HEPH: variants seen among roughly 807,000 people sequenced by gnomAD.
The protein encoded by HEPH is hephaestin.
A neutral mutation model predicts 80.8 loss-of-function variants in HEPH; 69 were observed. The ratio of observed to expected loss-of-function variants is 0.85; its 90% confidence interval spans 0.70 to 1.04. The LOEUF (loss-of-function observed/expected upper bound fraction) is 1.04, where lower values mean the gene tolerates loss of function less well. Ranked by LOEUF, HEPH falls within the 50% of genes least tolerant of loss-of-function variation. HEPH has a pLI of 0.00. For synonymous variants in HEPH, 431 were observed against 322.8 expected, an observed-to-expected ratio of 1.34 and a Z score of -3.60; for missense variants, 1,115 against 891.3, an observed-to-expected ratio of 1.25 and a Z score of -3.20.
At chrX:66,203,707 G>T in intron 13 of HEPH, 130 bp downstream of exon 13, 1 of 526,701 alleles carries the variant, frequency 1.9e-6, no homozygotes, top group Non-Finnish European at 3.1e-6. Flanking sequence ...TGGGAGATGG[G>T]GCTATAATGC....
chrX:66,256,164 C>T lies in HEPH; in HGVS notation c.2730C>T (p.Pro910=), dbSNP rs760380427. 17 of 1,211,295 alleles carry T rather than the reference C, an allele frequency of 1.4e-5. No individual in the cohort carries two copies. In the South Asian group the frequency reaches 3.0e-4, roughly 21 times the overall value. Residue 910 remains proline (P), a synonymous_variant, in exon 17 of 21, where the codon CCC becomes CCT. Transcript: ENST00000343002. The stretch of plus-strand genomic sequence containing the variant: ...TCTGCCAAAAGGGCATCCTGGAGCC[C>T]CATGGAGGACGGAGTGACATGGATC... ...LAICQKGILE[P]HGGRSDMDRE... is the part of the protein sequence containing the mutation.
intron 15 of HEPH, among the ~76,000 whole-genome samples, chrX:66,229,047 G>T (rs1318088069): frequency 2.7e-5 from 3 of 112,007 alleles, no homozygotes; most frequent in African/African-American, 9.7e-5. Context: ...CCAGTGAAAA[G>T]AAGTCATTAT....
At chrX:66,163,561 C>A, upstream of HEPH, among the ~76,000 whole-genome samples, 1 of 110,842 alleles carries the variant, frequency 9.0e-6, no homozygotes, top group East Asian at 2.8e-4. Context: ...ATAAAAAAAT[C>A]CACCAGTGAC....
chrX:66,197,652 C>G (rs376506754), intron 9 of HEPH, 31 bp from the exon 10 acceptor site: 22 of 1,114,024 alleles, frequency 2.0e-5, no homozygotes, highest in Non-Finnish European at 2.5e-5. Context: ...TCTAGTCAAT[C>G]TAAGTAATGA....
chrX:66,221,241 C>G (rs1484265640), intron 15 of HEPH, among the ~76,000 whole-genome samples: 1 of 111,754 alleles, frequency 8.9e-6, no homozygotes, highest in Non-Finnish European at 1.9e-5. Flanking sequence ...AGGATGGTTT[C>G]AGAGGTTGGG....
chrX:66,264,099 C>G (rs925888619), intron 20 of HEPH, among the ~76,000 whole-genome samples: 1 of 109,498 alleles, frequency 9.1e-6, no homozygotes. Context: ...GACTCAGAAG[C>G]AAGGAGAGTA....
At chrX:66,164,892 G>C (rs182077339) in intron 1 of HEPH, among the ~76,000 whole-genome samples, 3 of 112,063 alleles carry the variant, frequency 2.7e-5, no homozygotes, top group Admixed American at 1.9e-4. Flanking sequence ...ATAAATGATA[G>C]CTTAACTAAG....
intron 1 of HEPH, 114 bp downstream of exon 1, chrX:66,164,584 C>G: frequency 2.0e-6 from 1 of 509,243 alleles, no homozygotes; most frequent in Non-Finnish European, 2.4e-6. Flanking sequence ...AGTCAGTGGC[C>G]AAAAAGTTGG....
Position 66,260,245 on chromosome X carries a change from C to T in HEPH, c.3182C>T (p.Thr1061Ile). The part of the protein sequence containing the change: ...HVHAGMETLF[T>I]VFSRTEHLSP... Reference sequence around the variant, plus strand: ...CATGCTGGCATGGAGACCCTCTTCACTGTTTTTTCTCGAACAGGTAAGTCC... The same window carrying T: ...CATGCTGGCATGGAGACCCTCTTCATTGTTTTTTCTCGAACAGGTAAGTCC... The change falls in exon 19 of 21, where the codon ACT becomes ATT. Residue 1061 changes from threonine to isoleucine, a missense_variant. Thr to Ile is a moderately conservative substitution (Grantham distance 89). This residue lies in a region of HEPH where 716 missense variants were observed against 523.5 expected (regional missense o/e 1.37). Coordinates refer to ENST00000343002, the MANE Select transcript of HEPH (RefSeq NM_001367233.3). 1 of 1,207,571 alleles carries T rather than the reference C, an allele frequency of 8.3e-7. No homozygotes were observed.
At chrX:66,240,658 A>G (rs951903739) in intron 15 of HEPH, among the ~76,000 whole-genome samples, 4 of 111,615 alleles carry the variant, frequency 3.6e-5, no homozygotes, top group African/African-American at 1.3e-4. Flanking sequence ...TTTTCATCAG[A>G]AGCCACAGAA....
chrX:66,162,678 A>G (rs1197953604), upstream of HEPH: 3 of 1,139,321 alleles, frequency 2.6e-6, no homozygotes, highest in South Asian at 5.9e-5. Context: ...GTTGCAGTCC[A>G]TGGGGCAGCG....
chrX:66,176,904 TG>T (rs1362616771), intron 4 of HEPH, among the ~76,000 whole-genome samples: 1 of 111,464 alleles, frequency 9.0e-6, no homozygotes, highest in Non-Finnish European at 1.9e-5. Context: ...GACATAGGCA[TG>T]GGCAAGGACT....
chrX:66,252,229 G>A (rs1488242322), intron 15 of HEPH, among the ~76,000 whole-genome samples: 1 of 112,018 alleles, frequency 8.9e-6, no homozygotes, highest in African/African-American at 3.2e-5. Context: ...AAGGAAGACT[G>A]AAGAGGAGAA....
chrX:66,203,485 A>G lies in HEPH; in HGVS notation c.2199A>G (p.Arg733=). ...ATPRQRYQAA[R]IYYIMAEEVE... is the part of the protein sequence containing the mutation. ...CTCGCCAACGCTACCAAGCTGCAAG[A>G]ATCTACTATATCATGGCAGAAGAAG... The change falls in exon 13 of 21, where the codon AGA becomes AGG. Residue 733 remains arginine (R), a synonymous_variant. Transcript: ENST00000343002. 1.7e-6 allele frequency: 2 copies of G among 1,211,697 alleles called. No homozygotes were observed. The highest frequency in any genetic ancestry group is 2.2e-6 in the Non-Finnish European group (2 of 895,388).
chrX:66,172,710 T>C (rs763055465), intron 3 of HEPH, 111 bp downstream of exon 3: 67 of 847,887 alleles, frequency 7.9e-5, no homozygotes, highest in Non-Finnish European at 1.0e-4. Context: ...TTCCTATTTA[T>C]CTGAGGTGGC....
At position 66,244,104 on chromosome X, in the gene HEPH, A is replaced by AT. The variant is rs372332731; in HGVS notation, c.2564-10925dup. On this transcript the variant is annotated intron_variant, in intron 15 of 20. Coordinates refer to ENST00000343002, the MANE Select transcript of HEPH (RefSeq NM_001367233.3). The stretch of plus-strand genomic sequence containing the variant: ...CCCCTTTCCTCTATCTGCCTTTAAC[A>AT]TTTTTTCCTCTATTTTGACCTTGAA... 9.8e-4 allele frequency among the ~76,000 whole-genome samples: 109 copies of AT among 110,974 alleles called. 2 individuals carry two copies. The highest frequency in any genetic ancestry group is 3.4e-3 in the African/African-American group (104 of 30,498).
At chrX:66,163,273 A>ACTC (rs1283213956), upstream of HEPH, among the ~76,000 whole-genome samples, 2 of 109,724 alleles carry the variant, frequency 1.8e-5, no homozygotes, top group Non-Finnish European at 3.8e-5. Flanking sequence ...GTGACTTTTC[A>ACTC]CTCTTCTCTC....
intron 15 of HEPH, among the ~76,000 whole-genome samples, chrX:66,249,396 A>T (rs138705019): frequency 8.9e-6 from 1 of 112,017 alleles, no homozygotes; most frequent in Non-Finnish European, 1.9e-5. Context: ...AGTTTTTGCC[A>T]ATATTATTCT....
At chrX:66,239,233 C>T (rs749169950) in intron 15 of HEPH, among the ~76,000 whole-genome samples, 1 of 111,836 alleles carries the variant, frequency 8.9e-6, no homozygotes, top group Non-Finnish European at 1.9e-5. Flanking sequence ...GGAGGTTGCT[C>T]CTTGTCGGTT....
Sources: allele counts gnomAD v4.1 joint callset (sites outside exome capture counted in the v4.1 genomes callset), GRCh38; gene constraint gnomAD v4.1.1; regional missense constraint gnomAD v4.1.1; transcripts MANE v1.5; gene names NCBI Gene and HGNC (gene_info 2026-07-23, HGNC 2026-07-21).